COL1A1: variants seen among roughly 807,000 people sequenced by gnomAD.
COL1A1 encodes collagen alpha-1(I) chain.
A neutral mutation model predicts 195.7 loss-of-function variants in COL1A1; 21 were observed. The ratio of observed to expected loss-of-function variants is 0.11; its 90% CI spans 0.08 to 0.15. The LOEUF (loss-of-function observed/expected upper bound fraction) is 0.15. Ranked by LOEUF, COL1A1 falls within the 10% of genes least tolerant of loss-of-function variation. The pLI is 1.00. For synonymous variants in COL1A1, 749 were observed against 747.3 expected (o/e 1.00, Z -0.04); for missense variants, 1,365 against 2,051.0 (o/e 0.67, Z 6.46).
Position 50,190,669 on chromosome 17 carries a change from C to T in COL1A1, c.2344-73G>A, listed in dbSNP as rs1906997983. 6.5e-7 allele frequency: 1 copy of T among 1,548,612 alleles called. No homozygotes were observed. The highest frequency in any genetic ancestry group is 1.1e-5 in the South Asian group (1 of 88,092). On this transcript the variant is annotated intron_variant, in intron 33 of 50. Coordinates refer to ENST00000225964, the MANE Select transcript of COL1A1 (RefSeq NM_000088.4). The surrounding 1 kb of genome is among the most constrained non-coding windows in gnomAD (Gnocchi z 4.7). ...CTCCTAGTAGATGACCCCAGGAGAG[C>T]CTCCCCTCCTTCTGGTCCCTCCAGG...
chr17:50,190,515 G>C lies in COL1A1; in HGVS notation c.2397+28C>G. ...GTGAAGGGAGGGAAGGGCCAAGTATGGGGTCTTAACAGGTCTTCTGTACTT... is the reference window on the plus strand; with the variant it reads ...GTGAAGGGAGGGAAGGGCCAAGTATCGGGTCTTAACAGGTCTTCTGTACTT... On this transcript the variant is annotated intron_variant, in intron 34 of 50. Transcript: ENST00000225964. The surrounding 1 kb of genome is among the most constrained non-coding windows in gnomAD (Gnocchi z 4.7). 3 of 1,613,042 alleles carry C rather than the reference G, an allele frequency of 1.9e-6. No individual in the cohort carries two copies. Among genetic ancestry groups the C allele is most frequent in the Non-Finnish European group, 2.5e-6 (3 of 1,179,276 alleles).
Position 50,198,150 on chromosome 17 carries a change from T to A in COL1A1, c.588+11A>T. 3.1e-6 allele frequency: 5 copies of A among 1,614,014 alleles called. No individual in the cohort carries two copies. Among genetic ancestry groups the A allele is most frequent in the Non-Finnish European group, 4.2e-6 (5 of 1,179,972 alleles). Reference sequence around the variant, plus strand: ...CCCAAGGAGGCATATGAAGACGTCCTGGATACTCACAGGTGCACCAGGGGG... The same window carrying A: ...CCCAAGGAGGCATATGAAGACGTCCAGGATACTCACAGGTGCACCAGGGGG... On this transcript the variant is annotated intron_variant, in intron 7 of 50. Coordinates refer to ENST00000225964, the MANE Select transcript of COL1A1 (RefSeq NM_000088.4).
chr17:50,185,812 C>G lies in COL1A1; in HGVS notation c.4214G>C (p.Arg1405Pro). The G allele has an allele frequency of 3.7e-6, 6 of 1,614,004 alleles. No individual in the cohort carries two copies. Among genetic ancestry groups the G allele is most frequent in the African/African-American group, 2.7e-5 (2 of 75,038 alleles). Reference protein sequence around the residue: ...EIEIRAEGNSRFTYSVTVDGC... With the variant: ...EIEIRAEGNSPFTYSVTVDGC... Reference sequence around the variant, plus strand: ...ATCGACAGTGACGCTGTAGGTGAAGCGGCTGTTGCCCTCGGCGCGGATCTC... The same window carrying G: ...ATCGACAGTGACGCTGTAGGTGAAGGGGCTGTTGCCCTCGGCGCGGATCTC... Residue 1405 changes from arginine (R) to proline (P), a missense_variant, in exon 50 of 51, where the codon CGC becomes CCC. Coordinates refer to ENST00000225964, the MANE Select transcript of COL1A1 (RefSeq NM_000088.4).
At chr17:50,199,633 TGCTGCTCCCGTCG>T in intron 2 of COL1A1, 43 bp from the exon 3 acceptor site, 1 of 1,613,670 alleles carries the variant, frequency 6.2e-7, no homozygotes, top group Non-Finnish European at 8.5e-7. Flanking sequence ...GGTTTGCTAA[TGCTGCTCCCGTCG>T]GCAGAGGCCT....
chr17:50,197,023 A>G lies in COL1A1; in HGVS notation c.791T>C (p.Met264Thr). ...GLPGTAGLPG[M>T]KGHRGFSGLD... ...AAGGTGACTCACTCTGTGTCCCTTC[A>G]TTCCAGGGAGGCCAGCTGTTCCGGG... Residue 264 changes from methionine to threonine, a missense_variant, in exon 11 of 51, where the codon ATG becomes ACG. By Grantham distance (81) the Met-to-Thr change is moderately conservative (BLOSUM62 -1). This residue lies in a region of COL1A1 where 226 missense variants were observed against 372.9 expected (regional missense o/e 0.61). Transcript: ENST00000225964. The G allele has an allele frequency of 1.2e-6, 2 of 1,614,090 alleles. No homozygotes were observed. The highest frequency in any genetic ancestry group is 2.2e-5 in the East Asian group (1 of 44,890).
chr17:50,200,457 C>A (rs114028749), intron 1 of COL1A1, among the ~76,000 whole-genome samples: 1 of 151,754 alleles, frequency 6.6e-6, no homozygotes, highest in Non-Finnish European at 1.5e-5. Flanking sequence ...GGAAGGGAGG[C>A]CCCCCCAAGA....
chr17:50,201,305 C>A (rs1908073546), intron 1 of COL1A1, 106 bp downstream of exon 1: 3 of 1,042,042 alleles, frequency 2.9e-6, no homozygotes, highest in Non-Finnish European at 4.3e-6. Flanking sequence ...CCCTTCCATT[C>A]CCGAGTCTCC....
chr17:50,188,134 C>A lies in COL1A1; in HGVS notation c.3223G>T (p.Ala1075Ser), dbSNP rs1800215. The change falls in exon 44 of 51, where the codon GCC becomes TCC. Residue 1075 changes from alanine (A) to serine (S), a missense_variant. Physicochemically the swap from Ala to Ser is moderately conservative, Grantham distance 99 (BLOSUM62 1). Around this residue, in one of 5 missense-constraint regions of COL1A1, gnomAD observed 671 missense variants for 1,099.9 expected, o/e 0.61. Transcript: ENST00000225964. The surrounding 1 kb of genome is among the most constrained non-coding windows in gnomAD (Gnocchi z 5.6). ...DRGETGPAGP[A>S]GPVGPVGARG... ...GCGCCAACAGGGCCGACAGGACCGGCGGGACCAGCAGGACCCTGGGGAGAG... is the reference window on the plus strand; with the variant it reads ...GCGCCAACAGGGCCGACAGGACCGGAGGGACCAGCAGGACCCTGGGGAGAG... 2 of 1,566,368 alleles carry A rather than the reference C, an allele frequency of 1.3e-6. No individual in the cohort carries two copies. The highest frequency in any genetic ancestry group is 2.3e-5 in the South Asian group (2 of 86,350).
At position 50,197,721 on chromosome 17, in the gene COL1A1, G is replaced by C; in HGVS notation, c.696+11C>G. ...GGGGTCAGATGGTATCTTCTTGCTG[G>C]GGATACTTACATCATCTCCATTCTT... On this transcript the variant is annotated intron_variant, in intron 9 of 50. Transcript: ENST00000225964. 6.3e-7 allele frequency: 1 copy of C among 1,577,486 alleles called. No homozygotes were observed. Among genetic ancestry groups the C allele is most frequent in the Non-Finnish European group, 8.6e-7 (1 of 1,166,200 alleles).
At position 50,201,529 on chromosome 17, in the gene COL1A1, A is replaced by T; in HGVS notation, c.-16T>A. ...AGCTGAACATGTCTAGACCCTAGAC[A>T]TGTAGACTCTTTGTGGCTGGGGAGG... On this transcript the variant is annotated 5_prime_UTR_variant, in exon 1 of 51. The change abolishes an upstream ATG in the 5' untranslated region. Coordinates refer to ENST00000225964, the MANE Select transcript of COL1A1 (RefSeq NM_000088.4). 6.2e-7 allele frequency: 1 copy of T among 1,605,270 alleles called. No individual in the cohort carries two copies. The highest frequency in any genetic ancestry group is 8.5e-7 in the Non-Finnish European group (1 of 1,176,796).
At position 50,187,541 on chromosome 17, in the gene COL1A1, A is replaced by G. The variant is rs2144540862; in HGVS notation, c.3370-4T>C. On this transcript the variant is annotated splice_region_variant and splice_polypyrimidine_tract_variant and intron_variant, in intron 45 of 50. Transcript: ENST00000225964. ...GACCTTGTTCACCAGGAGAGCCCTG[A>G]AGGACAGATAAAAAAGGCAGTTCAG... 1.2e-6 allele frequency: 2 copies of G among 1,614,014 alleles called. No individual in the cohort carries two copies. The highest frequency in any genetic ancestry group is 1.1e-5 in the South Asian group (1 of 91,070).
chr17:50,193,213 A>T (rs1907257746), intron 25 of COL1A1, among the ~76,000 whole-genome samples, 166 bp from the exon 26 acceptor site: 1 of 152,078 alleles, frequency 6.6e-6, no homozygotes, highest in Non-Finnish European at 1.5e-5. Flanking sequence ...GCCCTTTCTG[A>T]GCCCACTCCT....
At chr17:50,201,007 G>C (rs1453352982) in intron 1 of COL1A1, among the ~76,000 whole-genome samples, 1 of 152,196 alleles carries the variant, frequency 6.6e-6, no homozygotes, top group Non-Finnish European at 1.5e-5. Context: ...ACTCTAGCCC[G>C]CAGAGAGGGC....
rs921851117 is a variant in COL1A1, at chr17:50,194,893, C to A, written c.1354-65G>T. 7.2e-6 allele frequency: 11 copies of A among 1,530,616 alleles called. No homozygotes were observed. In the South Asian group the frequency reaches 1.2e-4, roughly 17 times the overall value. 94.8% of individuals were successfully genotyped at this position (1,530,616 alleles called of 1,614,324 possible). A position where few individuals can be genotyped will look rare whatever the true frequency, so the allele number is the denominator to read the frequency against. On this transcript the variant is annotated intron_variant, in intron 20 of 50. Transcript: ENST00000225964. This position sits in a 1 kb window ranked among gnomAD's most constrained non-coding sequence, Gnocchi z 6.8. ...GGCCATCCTGTGCCAGCCTCAGAGC[C>A]GGCTGAGGCTGGGCCTCCAGTGTCA...
intron 29 of COL1A1, 81 bp downstream of exon 29, chr17:50,192,394 T>C (rs1907176623): frequency 4.1e-6 from 6 of 1,458,480 alleles, no homozygotes; most frequent in African/African-American, 1.4e-5. Flanking sequence ...AGTTGATGGC[T>C]GTCTGATTAG....
chr17:50,194,144 T>C lies in COL1A1; in HGVS notation c.1654A>G (p.Lys552Glu). 2 of 1,613,398 alleles carry C rather than the reference T, an allele frequency of 1.2e-6. No homozygotes were observed. Among genetic ancestry groups the C allele is most frequent in the Non-Finnish European group, 1.7e-6 (2 of 1,179,864 alleles). Residue 552 changes from lysine to glutamate, a missense_variant, in exon 24 of 51, where the codon AAA becomes GAA. Physicochemically the swap from Lys to Glu is moderately conservative, Grantham distance 56. Around this residue, in one of 5 missense-constraint regions of COL1A1, gnomAD observed 671 missense variants for 1,099.9 expected, o/e 0.61. Transcript: ENST00000225964. This position sits in a 1 kb window ranked among gnomAD's most constrained non-coding sequence, Gnocchi z 6.8. ...GSPGSPGPDG[K>E]TGPPGPAGQD... ...GTGATACTTACAGGGGGGCCAGTTT[T>C]GCCATCAGGACCAGGGCTGCCAGGG... is the stretch of plus-strand genomic sequence containing the variant.
rs753135498 is a variant in COL1A1 at position 50,188,748 on chromosome 17, G to T, written c.3093C>A (p.Gly1031=). 13 of 1,614,062 alleles carry T rather than the reference G, an allele frequency of 8.1e-6. No individual in the cohort carries two copies. Among genetic ancestry groups the T allele is most frequent in the Non-Finnish European group, 1.1e-5 (13 of 1,179,966 alleles). The change falls in exon 42 of 51, where the codon GGC becomes GGA. Residue 1031 remains glycine (G), a synonymous_variant. Transcript: ENST00000225964. This position sits in a 1 kb window ranked among gnomAD's most constrained non-coding sequence, Gnocchi z 5.6. Reference sequence around the variant, plus strand: ...TGGAGTGTTGCCATCTTACCTTGGCGCCAGGAGAACCGTCTCGTCCAGGGG... The same window carrying T: ...TGGAGTGTTGCCATCTTACCTTGGCTCCAGGAGAACCGTCTCGTCCAGGGG... ...EGSPGRDGSP[G]AKGDRGETGP... is the part of the protein sequence containing the mutation.
chr17:50,194,414 C>T lies in COL1A1; in HGVS notation c.1549G>A (p.Ala517Thr), dbSNP rs765562688. The T allele has an allele frequency of 6.2e-7, 1 of 1,614,114 alleles. No individual in the cohort carries two copies. Among genetic ancestry groups the T allele is most frequent in the South Asian group, 1.1e-5 (1 of 91,080 alleles). ...TCACCAGGAGATCCTTTGGGGCCAG[C>T]AGGGCCAGGAGAACCACGTTCACCA... The part of the protein sequence containing the change: ...PAGERGSPGP[A>T]GPKGSPGEAG... The change falls in exon 23 of 51, where the codon GCT becomes ACT. Residue 517 changes from alanine to threonine, a missense_variant. Transcript: ENST00000225964. The surrounding 1 kb of genome is among the most constrained non-coding windows in gnomAD (Gnocchi z 6.8).
At position 50,191,459 on chromosome 17, in the gene COL1A1, C is replaced by A; in HGVS notation, c.2159G>T (p.Ser720Ile). The A allele has an allele frequency of 6.2e-7, 1 of 1,606,324 alleles. No homozygotes were observed. Among genetic ancestry groups the A allele is most frequent in the Non-Finnish European group, 8.5e-7 (1 of 1,176,696 alleles). The change falls in exon 32 of 51, where the codon AGC becomes ATC. Residue 720 changes from serine to isoleucine, a missense_variant. This residue lies in a region of COL1A1 where 671 missense variants were observed against 1,099.9 expected (regional missense o/e 0.61). Coordinates refer to ENST00000225964, the MANE Select transcript of COL1A1 (RefSeq NM_000088.4). ...TCCCTGAAGGCCAGGGGCGCCCTGG[C>A]TACCGGGAGCTCCAGGGGCACCAGC... The part of the protein sequence containing the change: ...GDAGAPGAPG[S>I]QGAPGLQGMP...
Sources: allele counts gnomAD v4.1 joint callset (sites outside exome capture counted in the v4.1 genomes callset), GRCh38; gene constraint gnomAD v4.1.1; regional missense constraint gnomAD v4.1.1; non-coding constraint Gnocchi (gnomAD v3.1); transcripts MANE v1.5; gene names NCBI Gene and HGNC (gene_info 2026-07-23, HGNC 2026-07-21).